Variants in STK33 observed in about 807,000 individuals in gnomAD.
STK33 encodes the protein serine/threonine-protein kinase 33.
STK33 carries 52 observed loss-of-function variants against 58.0 expected under a neutral mutation model. The observed-to-expected ratio is 0.90, with a 90% CI of 0.72 to 1.13. The LOEUF is 1.13. Among genes scored for constraint, STK33 ranks in the 50% most tolerant of loss-of-function variants. The pLI is 0.00. For missense variants in STK33, 630 were observed against 604.2 expected (o/e 1.04, Z -0.45); for synonymous variants, 215 against 200.1 (o/e 1.07, Z -0.63).
chr11:8,428,815 T>A (rs2136101106), intron 14 of STK33, among the ~76,000 whole-genome samples: 1 of 152,274 alleles, frequency 6.6e-6, no homozygotes, highest in East Asian at 1.9e-4. Context: ...AATATGATAC[T>A]GTTATGTTTA....
At chr11:8,428,103 G>A (rs1413726559) in intron 14 of STK33, among the ~76,000 whole-genome samples, 4 of 152,122 alleles carry the variant, frequency 2.6e-5, no homozygotes, top group Non-Finnish European at 4.4e-5. Context: ...ACCTCCTCCC[G>A]CCAGGAGAAA....
intron 2 of STK33, among the ~76,000 whole-genome samples, chr11:8,479,570 C>T (rs769689063): frequency 6.6e-6 from 1 of 152,068 alleles, no homozygotes; most frequent in Non-Finnish European, 1.5e-5. Flanking sequence ...TGGCCAGGCA[C>T]AGTGGTTCAC....
chr11:8,444,364 T>C (rs1945141487), intron 11 of STK33, among the ~76,000 whole-genome samples: 1 of 152,190 alleles, frequency 6.6e-6, no homozygotes, highest in African/African-American at 2.4e-5. Flanking sequence ...CTCAGCACTT[T>C]GCTCTAAAAC....
intron 10 of STK33, 105 bp downstream of exon 10, chr11:8,454,639 T>C (rs1591202085): frequency 7.5e-7 from 1 of 1,331,554 alleles, no homozygotes; most frequent in East Asian, 3.0e-5. Context: ...ACTTATTTTC[T>C]GGCTGCTCAA....
intron 1 of STK33, among the ~76,000 whole-genome samples, chr11:8,541,070 G>A (rs917987487): frequency 1.3e-5 from 2 of 149,410 alleles, no homozygotes; most frequent in African/African-American, 2.5e-5. Context: ...TTAAATTTAG[G>A]TTTGAAACAA....
chr11:8,578,218 T>C (rs932424259), intron 1 of STK33, among the ~76,000 whole-genome samples: 7 of 152,144 alleles, frequency 4.6e-5, no homozygotes, highest in African/African-American at 1.7e-4. Flanking sequence ...TCTGTATTAG[T>C]GAATTTCACC....
intron 1 of STK33, among the ~76,000 whole-genome samples, chr11:8,527,474 T>A (rs1447956508): frequency 6.6e-6 from 1 of 152,108 alleles, no homozygotes; most frequent in Non-Finnish European, 1.5e-5. Flanking sequence ...AGAAGTGAGT[T>A]TTTGTTTTTT....
intron 1 of STK33, among the ~76,000 whole-genome samples, chr11:8,499,901 C>T (rs1218141240): frequency 6.6e-6 from 1 of 152,010 alleles, no homozygotes; most frequent in Non-Finnish European, 1.5e-5. Context: ...AGGGGAACAT[C>T]ACACACCAGG....
intron 14 of STK33, among the ~76,000 whole-genome samples, chr11:8,427,614 A>G (rs1942931367): frequency 6.6e-6 from 1 of 151,862 alleles, no homozygotes; most frequent in Admixed American, 6.6e-5. Context: ...TTAACCCCAT[A>G]TATCTTTTCT....
the STK33 span, among the ~76,000 whole-genome samples, chr11:8,381,064 T>C: frequency 2.0e-5 from 3 of 152,212 alleles, no homozygotes; most frequent in Admixed American, 1.3e-4. Flanking sequence ...AGCTAAGATA[T>C]GGATATGCAA....
intron 1 of STK33, among the ~76,000 whole-genome samples, chr11:8,573,921 G>A (rs1391037526): frequency 2.6e-5 from 4 of 152,200 alleles, no homozygotes; most frequent in African/African-American, 9.7e-5. Context: ...AGAGGGGTAG[G>A]TATGAGTATA....
chr11:8,553,546 G>A (rs1305222207), intron 1 of STK33, among the ~76,000 whole-genome samples: 2 of 151,718 alleles, frequency 1.3e-5, no homozygotes, highest in East Asian at 1.9e-4. Flanking sequence ...TACGCTATAC[G>A]ACTGTATATT....
intron 15 of STK33, among the ~76,000 whole-genome samples, chr11:8,403,288 T>C (rs1438041371): frequency 1.3e-5 from 2 of 152,172 alleles, no homozygotes; most frequent in Admixed American, 6.6e-5. Flanking sequence ...TCTATCCTTA[T>C]ATAAAATCAT....
the STK33 span, among the ~76,000 whole-genome samples, chr11:8,339,952 T>A: frequency 6.6e-6 from 1 of 152,180 alleles, no homozygotes; most frequent in African/African-American, 2.4e-5. Flanking sequence ...TCCCTGCCCC[T>A]GGTGAGCTTG....
At chr11:8,557,743 GA>G (rs371460080) in intron 1 of STK33, among the ~76,000 whole-genome samples, 239 of 146,586 alleles carry the variant, frequency 1.6e-3, no homozygotes, top group African/African-American at 5.4e-3. Flanking sequence ...CACTGGAGTA[GA>G]AAAAAACCCT....
At position 8,416,857 on chromosome 11, in the gene STK33, G is replaced by A. The variant is rs185127970; in HGVS notation, c.1147-3165C>T. ...TATACTCACTTGTGATATCAAGCCT[G>A]GACTAGGTGGTATAGAGTCCAGGCT... On this transcript the variant is annotated intron_variant, in intron 14 of 15. Transcript: ENST00000687296. 2.6e-3 allele frequency among the ~76,000 whole-genome samples: 399 copies of A among 152,238 alleles called. 2 individuals carry two copies. The highest frequency in any genetic ancestry group is 9.1e-3 in the African/African-American group (379 of 41,542).
At chr11:8,386,878 C>A (rs1296643458), downstream of STK33, among the ~76,000 whole-genome samples, 1 of 152,174 alleles carries the variant, frequency 6.6e-6, no homozygotes, top group Non-Finnish European at 1.5e-5. Flanking sequence ...GTGATTCTAA[C>A]CCCCAGCTGC....
At chr11:8,335,414 A>C in the STK33 span, among the ~76,000 whole-genome samples, 2 of 152,190 alleles carry the variant, frequency 1.3e-5, no homozygotes, top group Admixed American at 6.5e-5. Context: ...CATGCAGGAC[A>C]ATGGCCATTG....
the STK33 span, among the ~76,000 whole-genome samples, chr11:8,346,820 G>A: frequency 2.6e-5 from 4 of 152,160 alleles, no homozygotes; most frequent in Admixed American, 1.3e-4. Context: ...TGGGGAACAC[G>A]AGCTATCTGG....
Sources: gnomAD v4.1 joint callset for allele counts (sites outside exome capture counted in the v4.1 genomes callset) on GRCh38, gnomAD v4.1.1 for gene constraint, MANE v1.5 for transcripts, NCBI Gene and HGNC (gene_info 2026-07-23, HGNC 2026-07-21) for gene names.